The following PTCHD4 variants were observed in gnomAD, a reference collection of about 807,000 sequenced individuals.
The protein encoded by PTCHD4 is patched domain containing 4.
PTCHD4 carries 33 observed loss-of-function variants against 58.1 expected under a neutral mutation model. That is an observed-to-expected ratio of 0.57 (90% confidence interval 0.43 to 0.76). The LOEUF is 0.76. PTCHD4 is among the 30% of genes least tolerant of loss of function. The pLI, the probability that PTCHD4 is intolerant of heterozygous loss-of-function variation, is 0.00. For missense variants in PTCHD4, 1,058 were observed against 1,027.1 expected (o/e 1.03, Z -0.41); for synonymous variants, 478 against 409.6 (o/e 1.17, Z -2.02).
chr6:47,859,538 C>T lies in PTCHD4; in HGVS notation c.*18765G>A, dbSNP rs925654248. ...TCTACCTGAACTAATTTCTTCCCTCCCTCCCTCCTTTCCTTCCTTCCTTTG... is the reference window on the plus strand; with the variant it reads ...TCTACCTGAACTAATTTCTTCCCTCTCTCCCTCCTTTCCTTCCTTCCTTTG... On this transcript the variant is annotated 3_prime_UTR_variant, in exon 5 of 5. Transcript: ENST00000339488. Among the ~76,000 whole-genome samples, 1 of 151,896 alleles carries T rather than the reference C, an allele frequency of 6.6e-6. No homozygotes were observed. Among genetic ancestry groups the T allele is most frequent in the African/African-American group, 2.4e-5 (1 of 41,380 alleles).
rs1358171603 is a variant in PTCHD4, at chr6:47,879,666, G to C, written c.1169C>G (p.Ala390Gly). The C allele has an allele frequency of 6.2e-7, 1 of 1,613,436 alleles. No individual in the cohort carries two copies. The change falls in exon 5 of 5, where the codon GCT (alanine) becomes GGT (glycine). Residue 390 changes from alanine (A) to glycine (G), a missense_variant. Ala to Gly is a moderately conservative substitution (Grantham distance 60). Coordinates refer to ENST00000339488, the MANE Select transcript of PTCHD4 (RefSeq NM_001384253.1). ...GTAGCGGTTTTGCTCTAGTTGGCCAGCAAAGACCAGACAGGAGCCAAAGAA... is the reference window on the plus strand; with the variant it reads ...GTAGCGGTTTTGCTCTAGTTGGCCACCAAAGACCAGACAGGAGCCAAAGAA... Reference protein sequence around the residue: ...FSFFGSCLVFAGQLEQNRYHS... With the variant: ...FSFFGSCLVFGGQLEQNRYHS...
intron 4 of PTCHD4, among the ~76,000 whole-genome samples, chr6:47,968,732 T>C (rs1414659572): frequency 6.6e-6 from 1 of 152,148 alleles, no homozygotes; most frequent in Non-Finnish European, 1.5e-5. Flanking sequence ...AAAATATGTC[T>C]TGGAAACCTC....
chr6:48,047,686 C>T (rs982007306), intron 3 of PTCHD4, among the ~76,000 whole-genome samples: 8 of 151,656 alleles, frequency 5.3e-5, no homozygotes, highest in East Asian at 1.9e-4. Context: ...GGAGTCCTCA[C>T]AAATGAGATT....
At position 47,878,515 on chromosome 6, in the gene PTCHD4, G is replaced by A; in HGVS notation, c.2320C>T (p.Pro774Ser). 1 of 1,613,408 alleles carries A rather than the reference G, an allele frequency of 6.2e-7. No homozygotes were observed. Among genetic ancestry groups the A allele is most frequent in the Non-Finnish European group, 8.5e-7 (1 of 1,179,674 alleles). Residue 774 changes from proline (P) to serine (S), a missense_variant, in exon 5 of 5, where the codon CCT (proline) becomes TCT (serine). Transcript: ENST00000339488. ...AACAGTGTGAAGGTCAGGTTCGAAG[G>A]CACAAATAGAAGGGGGACTAACCCA... ...LIGLVPLLFVPSNLTFTLFKC... is the reference protein window; with the variant it reads ...LIGLVPLLFVSSNLTFTLFKC...
At position 47,862,636 on chromosome 6, in the gene PTCHD4, T is replaced by A. The variant is rs1467148268; in HGVS notation, c.*15667A>T. ...AAGGGAAAAATTAGTTCTGTGTTAT[T>A]TTAATTGAAATTCATGCTGATGAAT... On this transcript the variant is annotated 3_prime_UTR_variant, in exon 5 of 5. Transcript: ENST00000339488. Among the ~76,000 whole-genome samples, 2 of 151,868 alleles carry A rather than the reference T, an allele frequency of 1.3e-5. No individual in the cohort carries two copies. The highest frequency in any genetic ancestry group is 4.8e-5 in the African/African-American group (2 of 41,422).
In PTCHD4 at chr6:47,878,398, G is replaced by A. The variant is rs766569845; in HGVS notation, c.2437C>T (p.His813Tyr). The change falls in exon 5 of 5, where the codon CAC (histidine) becomes TAC (tyrosine). Residue 813 changes from histidine to tyrosine, a missense_variant. Transcript: ENST00000339488. ...FLTFFPPSKKHHKKKKRAKRK... is the reference protein window; with the variant it reads ...FLTFFPPSKKYHKKKKRAKRK... ...TTGGCACGTTTCTTTTTCTTGTGGT[G>A]CTTTTTGGAAGGGGGGAAAAACGTT... 2 of 1,613,266 alleles carry A rather than the reference G, an allele frequency of 1.2e-6. No homozygotes were observed. The highest frequency in any genetic ancestry group is 3.3e-5 in the Admixed American group (2 of 59,898).
chr6:47,917,167 A>G (rs1245028548), intron 4 of PTCHD4, among the ~76,000 whole-genome samples: 2 of 151,992 alleles, frequency 1.3e-5, no homozygotes, highest in Non-Finnish European at 2.9e-5. Flanking sequence ...ACATAATTAT[A>G]TTTTTCAAAA....
chr6:48,068,673 C>A lies in PTCHD4; in HGVS notation c.6-32G>T, dbSNP rs1260680279. ...AAGCACATGTGACATGTGTAAGCGC[C>A]GGGCTACCCCGTTCTCCCCCATCCC... On this transcript the variant is annotated intron_variant, in intron 2 of 4. Coordinates refer to ENST00000339488, the MANE Select transcript of PTCHD4 (RefSeq NM_001384253.1). This position sits in a 1 kb window ranked among gnomAD's most constrained non-coding sequence, Gnocchi z 4.2. 6.6e-7 allele frequency: 1 copy of A among 1,512,190 alleles called. No individual in the cohort carries two copies. The highest frequency in any genetic ancestry group is 1.3e-5 in the South Asian group (1 of 79,840). 93.7% of individuals were successfully genotyped at this position (1,512,190 alleles called of 1,614,324 possible).
chr6:48,028,636 AC>A (rs1241668494), intron 3 of PTCHD4, among the ~76,000 whole-genome samples: 1 of 152,098 alleles, frequency 6.6e-6, no homozygotes, highest in Non-Finnish European at 1.5e-5. Flanking sequence ...GGCTTTCTTT[AC>A]CCTTTAAATA....
chr6:47,975,525 A>G (rs1435644114), intron 4 of PTCHD4, among the ~76,000 whole-genome samples: 1 of 152,044 alleles, frequency 6.6e-6, no homozygotes, highest in African/African-American at 2.4e-5. Context: ...TGGTTCATGG[A>G]TTTTTCAACT....
intron 3 of PTCHD4, among the ~76,000 whole-genome samples, chr6:48,055,770 T>C (rs1052206480): frequency 2.0e-5 from 3 of 152,222 alleles, no homozygotes; most frequent in South Asian, 2.1e-4. Flanking sequence ...AGGGTGAGTA[T>C]CTGTCTCCTG....
In PTCHD4 at chr6:47,869,062, G is replaced by A. The variant is rs1029101753; in HGVS notation, c.*9241C>T. 2.6e-5 allele frequency among the ~76,000 whole-genome samples: 4 copies of A among 151,586 alleles called. No homozygotes were observed. The South Asian group carries it at 6.2e-4, about 24-fold the overall frequency. ...TGATAAAGCTTTTGAAGTGGCTTGT[G>A]GAATATTAAATTGTTTAAGTATAAT... On this transcript the variant is annotated 3_prime_UTR_variant, in exon 5 of 5. Transcript: ENST00000339488.
At chr6:47,957,046 C>A (rs868566982) in intron 4 of PTCHD4, among the ~76,000 whole-genome samples, 11 of 151,514 alleles carry the variant, frequency 7.3e-5, no homozygotes, top group Admixed American at 3.3e-4. Context: ...TGCCTGTAAT[C>A]CCAGTTACTC....
At chr6:48,061,533 T>C (rs1764625446) in intron 3 of PTCHD4, among the ~76,000 whole-genome samples, 1 of 152,200 alleles carries the variant, frequency 6.6e-6, no homozygotes, top group South Asian at 2.1e-4. Context: ...GATCTGAGCG[T>C]CTCTAACACA....
intron 3 of PTCHD4, among the ~76,000 whole-genome samples, chr6:48,012,590 G>A (rs996292594): frequency 6.6e-6 from 1 of 152,080 alleles, no homozygotes; most frequent in African/African-American, 2.4e-5. Context: ...GATTGCCCTG[G>A]CCAGAACTTC....
At chr6:48,027,289 T>C (rs1483489481) in intron 3 of PTCHD4, among the ~76,000 whole-genome samples, 1 of 152,114 alleles carries the variant, frequency 6.6e-6, no homozygotes, top group Non-Finnish European at 1.5e-5. Flanking sequence ...CCAAATGTTT[T>C]TTTCCAGTTC....
intron 4 of PTCHD4, among the ~76,000 whole-genome samples, chr6:47,990,384 T>C (rs1349473379): frequency 6.6e-6 from 1 of 152,092 alleles, no homozygotes; most frequent in Non-Finnish European, 1.5e-5. Flanking sequence ...CAGAATGATA[T>C]GGTTTGGTTG....
chr6:47,882,903 T>C (rs1764064752), intron 4 of PTCHD4, among the ~76,000 whole-genome samples: 1 of 151,562 alleles, frequency 6.6e-6, no homozygotes, highest in Non-Finnish European at 1.5e-5. Flanking sequence ...ATGCATTTTA[T>C]CTTACTTTTA....
intron 3 of PTCHD4, among the ~76,000 whole-genome samples, chr6:48,038,273 C>G (rs1763716993): frequency 6.6e-6 from 1 of 152,016 alleles, no homozygotes; most frequent in African/African-American, 2.4e-5. Context: ...GGTGATGATG[C>G]AGCCACAGAA....
Sources: allele counts gnomAD v4.1 joint callset (sites outside exome capture counted in the v4.1 genomes callset), GRCh38; gene constraint gnomAD v4.1.1; non-coding constraint Gnocchi (gnomAD v3.1); transcripts MANE v1.5; gene names NCBI Gene and HGNC (gene_info 2026-07-23, HGNC 2026-07-21).